FNBP1L: variants seen among roughly 807,000 people sequenced by gnomAD.
The protein encoded by FNBP1L is formin binding protein 1 like.
A neutral mutation model predicts 91.2 loss-of-function variants in FNBP1L; 36 were observed. That is an observed-to-expected ratio of 0.39 (90% CI 0.30 to 0.52). FNBP1L has a LOEUF of 0.52. FNBP1L is among the 20% of genes least tolerant of loss of function. The pLI is 0.66. For synonymous variants in FNBP1L, 242 were observed against 237.0 expected (o/e 1.02, Z -0.19); for missense variants, 571 against 732.1 (o/e 0.78, Z 2.54).
At chr1:93,511,640 A>G (rs1030445030) in intron 2 of FNBP1L, among the ~76,000 whole-genome samples, 14 of 152,356 alleles carry the variant, frequency 9.2e-5, no homozygotes, top group African/African-American at 3.4e-4. Flanking sequence ...TAAATGCTCC[A>G]ATTAAAAGAC....
At chr1:93,459,238 C>T (rs953721665) in intron 1 of FNBP1L, among the ~76,000 whole-genome samples, 4 of 151,976 alleles carry the variant, frequency 2.6e-5, no homozygotes, top group East Asian at 1.9e-4. Context: ...TCAGCCTGGG[C>T]GACACAGTGA....
intron 1 of FNBP1L, among the ~76,000 whole-genome samples, chr1:93,491,760 T>C (rs1670098516): frequency 6.6e-6 from 1 of 152,212 alleles, no homozygotes; most frequent in African/African-American, 2.4e-5. Context: ...TTTAAAAGTA[T>C]AGTACAACCT....
chr1:93,469,882 C>G (rs933190325), intron 1 of FNBP1L, among the ~76,000 whole-genome samples: 6 of 152,018 alleles, frequency 3.9e-5, no homozygotes, highest in Admixed American at 3.9e-4. Context: ...ATCACTTGAG[C>G]CTGGGAATTC....
rs1302263288 is a variant in FNBP1L, at chr1:93,552,128, A to G, written c.1811-281A>G. On this transcript the variant is annotated intron_variant, in intron 16 of 16. Coordinates refer to ENST00000271234, the MANE Select transcript of FNBP1L (RefSeq NM_001164473.3). ...TTATTAGGATAGATAAATTTTTCCA[A>G]TTAGTTTCAGCAAGCGTTGTTGGAA... 5.1e-6 allele frequency: 6 copies of G among 1,179,880 alleles called. No individual in the cohort carries two copies. In the East Asian group the frequency reaches 1.5e-4, roughly 30 times the overall value. The allele number at this position is 1,179,880 out of a possible 1,614,324, so 73.1% of individuals were successfully genotyped here.
intron 15 of FNBP1L, among the ~76,000 whole-genome samples, chr1:93,550,524 C>G (rs993067936): frequency 6.6e-6 from 1 of 152,198 alleles, no homozygotes; most frequent in Non-Finnish European, 1.5e-5. Context: ...GTTCTCCCTT[C>G]AGACTCTCTT....
intron 16 of FNBP1L, chr1:93,552,169 G>A: frequency 3.9e-6 from 5 of 1,266,752 alleles, no homozygotes; most frequent in Non-Finnish European, 5.0e-6. Flanking sequence ...GTGCAGTCAA[G>A]GATTGTGCAG....
At chr1:93,502,035 G>A (rs1225207318) in intron 2 of FNBP1L, among the ~76,000 whole-genome samples, 1 of 152,080 alleles carries the variant, frequency 6.6e-6, no homozygotes, top group Non-Finnish European at 1.5e-5. Flanking sequence ...AAAAAATCAG[G>A]TGTACCAGCA....
At chr1:93,474,518 T>C (rs1379989670) in intron 1 of FNBP1L, among the ~76,000 whole-genome samples, 1 of 152,206 alleles carries the variant, frequency 6.6e-6, no homozygotes, top group Non-Finnish European at 1.5e-5. Flanking sequence ...CTGTGGAAAC[T>C]TAGAATAGAC....
chr1:93,552,350 T>C (rs981884448), intron 16 of FNBP1L, 59 bp from the exon 17 acceptor site: 11 of 1,590,118 alleles, frequency 6.9e-6, no homozygotes, highest in Non-Finnish European at 9.4e-6. Context: ...TGAACACCCC[T>C]TTTGGTTTTA....
At chr1:93,536,154 T>A (rs1229350325) in intron 9 of FNBP1L, among the ~76,000 whole-genome samples, 178 bp from the exon 10 acceptor site, 3 of 152,094 alleles carry the variant, frequency 2.0e-5, no homozygotes, top group African/African-American at 7.2e-5. Context: ...AAAAGTAAAT[T>A]TGATTTTTTT....
chr1:93,533,559 A>G (rs1008737522), intron 8 of FNBP1L, among the ~76,000 whole-genome samples: 1 of 152,162 alleles, frequency 6.6e-6, no homozygotes, highest in African/African-American at 2.4e-5. Flanking sequence ...TTGATTAAGG[A>G]CTAGGGTCTT....
At chr1:93,514,092 G>A (rs1317964623) in intron 2 of FNBP1L, among the ~76,000 whole-genome samples, 1 of 151,480 alleles carries the variant, frequency 6.6e-6, no homozygotes, top group Non-Finnish European at 1.5e-5. Flanking sequence ...CAAAATCAAT[G>A]TACAAAAATC....
At chr1:93,493,457 A>G (rs1417459491) in intron 1 of FNBP1L, among the ~76,000 whole-genome samples, 1 of 152,186 alleles carries the variant, frequency 6.6e-6, no homozygotes. Flanking sequence ...TTGTACAACC[A>G]TCACCACCAT....
intron 1 of FNBP1L, among the ~76,000 whole-genome samples, chr1:93,464,757 A>G (rs1167850912): frequency 2.0e-5 from 3 of 152,196 alleles, no homozygotes; most frequent in African/African-American, 7.2e-5. Context: ...GTTTGATGTT[A>G]TTGCTGTCAT....
At chr1:93,509,735 C>T (rs934337970) in intron 2 of FNBP1L, among the ~76,000 whole-genome samples, 3 of 152,156 alleles carry the variant, frequency 2.0e-5, no homozygotes, top group East Asian at 1.9e-4. Flanking sequence ...AGACAGTGGG[C>T]GCAGGTCAGT....
At chr1:93,542,349 A>T (rs1387958726) in intron 11 of FNBP1L, among the ~76,000 whole-genome samples, 1 of 151,772 alleles carries the variant, frequency 6.6e-6, no homozygotes. Flanking sequence ...ATTAACCAGT[A>T]AATCTAAAGG....
chr1:93,516,288 G>A (rs542404928), intron 2 of FNBP1L, among the ~76,000 whole-genome samples: 5 of 152,250 alleles, frequency 3.3e-5, no homozygotes, highest in Non-Finnish European at 7.4e-5. Context: ...GGGGGCACCC[G>A]GATTTGAACC....
At chr1:93,479,222 G>C (rs1669605954) in intron 1 of FNBP1L, among the ~76,000 whole-genome samples, 1 of 152,170 alleles carries the variant, frequency 6.6e-6, no homozygotes, top group South Asian at 2.1e-4. Context: ...TTCAAAAGGG[G>C]AGGGGGTGTA....
chr1:93,475,289 G>T (rs1448674844), intron 1 of FNBP1L, among the ~76,000 whole-genome samples: 1 of 152,102 alleles, frequency 6.6e-6, no homozygotes, highest in Non-Finnish European at 1.5e-5. Context: ...CAGGTGCAGT[G>T]GCTCATGCCT....
Sources: gnomAD v4.1 joint callset for allele counts (sites outside exome capture counted in the v4.1 genomes callset) on GRCh38, gnomAD v4.1.1 for gene constraint, MANE v1.5 for transcripts, NCBI Gene and HGNC (gene_info 2026-07-23, HGNC 2026-07-21) for gene names.